Variants in GART observed in about 807,000 individuals in gnomAD.
GART encodes trifunctional purine biosynthetic protein adenosine-3.
Under a neutral mutation model 107.2 loss-of-function variants are expected in GART, and 43 were observed. That is an observed-to-expected ratio of 0.40 (90% CI 0.31 to 0.52). GART has a LOEUF of 0.52. Among genes scored for constraint, GART ranks in the 20% least tolerant of loss-of-function variants. The pLI is 0.52. For missense variants in GART, 1,107 were observed against 1,206.5 expected (o/e 0.92, Z 1.22); for synonymous variants, 434 against 427.0 (o/e 1.02, Z -0.20).
In GART at chr21:33,519,335, C is replaced by T. The variant is rs565655574; in HGVS notation, c.1702+1029G>A. Reference sequence around the variant, plus strand: ...TTGGGAGGCCGAGGCAGGCAGATCACGAGATCAGGAGATTGAGACCATCCT... The same window carrying T: ...TTGGGAGGCCGAGGCAGGCAGATCATGAGATCAGGAGATTGAGACCATCCT... On this transcript the variant is annotated intron_variant, in intron 14 of 21. Transcript: ENST00000381815. 2.7e-3 allele frequency among the ~76,000 whole-genome samples: 413 copies of T among 152,184 alleles called. 3 individuals carry two copies. Among genetic ancestry groups the T allele is most frequent in the African/African-American group, 9.4e-3 (389 of 41,492 alleles).
At chr21:33,525,730 C>T (rs761989930) in intron 10 of GART, among the ~76,000 whole-genome samples, 24 of 152,094 alleles carry the variant, frequency 1.6e-4, no homozygotes, top group Non-Finnish European at 2.6e-4. Flanking sequence ...CTCCTAAGAA[C>T]TGTCTGCTAT....
At chr21:33,505,892 TG>T in intron 19 of GART, 81 bp downstream of exon 19, 1 of 1,556,216 alleles carries the variant, frequency 6.4e-7, no homozygotes, top group African/African-American at 1.4e-5. Context: ...CAAGAACAAG[TG>T]CCCATAGACC....
At chr21:33,524,357 T>C (rs899727369) in intron 11 of GART, 4 of 796,818 alleles carry the variant, frequency 5.0e-6, no homozygotes, top group Non-Finnish European at 4.6e-6. Flanking sequence ...CAGACTGGCC[T>C]TGGCAACATG....
chr21:33,522,410 G>T, intron 11 of GART, 128 bp from the exon 12 acceptor site: 3 of 684,644 alleles, frequency 4.4e-6, no homozygotes, highest in Non-Finnish European at 7.4e-6. Flanking sequence ...TTTTTTTAAA[G>T]TCAGTGCCTG....
intron 4 of GART, 71 bp downstream of exon 4, chr21:33,534,508 C>G: frequency 6.5e-7 from 1 of 1,537,986 alleles, no homozygotes; most frequent in Non-Finnish European, 8.9e-7. Context: ...AGCTACTGTG[C>G]CTGGCCACTG....
chr21:33,519,164 G>A, intron 14 of GART: 1 of 246,928 alleles, frequency 4.0e-6, no homozygotes, highest in South Asian at 4.9e-5. Flanking sequence ...GACTAGGGTT[G>A]GTGCTCAAGG....
At chr21:33,512,476 GAATTA>G (rs879843331) in intron 16 of GART, among the ~76,000 whole-genome samples, 16 of 152,012 alleles carry the variant, frequency 1.1e-4, no homozygotes, top group Admixed American at 7.9e-4. Flanking sequence ...AAACTATACT[GAATTA>G]AATTATTTAT....
In GART at chr21:33,528,470, A is replaced by G. The variant is rs771320393; in HGVS notation, c.897+49T>C. The G allele has an allele frequency of 6.3e-5, 97 of 1,551,008 alleles. No individual in the cohort carries two copies. The Admixed American group carries it at 1.7e-3, about 28-fold the overall frequency. On this transcript the variant is annotated intron_variant, in intron 9 of 21. Transcript: ENST00000381815. ...TTCCAGGCTGATAAATTCCAAGATT[A>G]AAATACCACATATCTTCTACCAAGT...
intron 17 of GART, 132 bp downstream of exon 17, chr21:33,511,120 T>A: frequency 1.2e-6 from 1 of 866,760 alleles, no homozygotes; most frequent in South Asian, 1.5e-5. Flanking sequence ...TCATGTTACA[T>A]CTGTGTAAAG....
intron 12 of GART, among the ~76,000 whole-genome samples, chr21:33,521,501 G>A (rs909728650): frequency 1.2e-4 from 18 of 151,816 alleles, no homozygotes; most frequent in Non-Finnish European, 2.2e-4. Flanking sequence ...GCGTGGTGGC[G>A]GGCACCTGTA....
At chr21:33,523,649 G>A (rs963555894) in intron 11 of GART, among the ~76,000 whole-genome samples, 1 of 151,966 alleles carries the variant, frequency 6.6e-6, no homozygotes, top group African/African-American at 2.4e-5. Flanking sequence ...TGAACTTCAC[G>A]AACAATAGCA....
chr21:33,517,755 C>A, intron 14 of GART, 147 bp from the exon 15 acceptor site: 1 of 806,550 alleles, frequency 1.2e-6, no homozygotes, highest in Non-Finnish European at 1.9e-6. Flanking sequence ...AGCTGTCTAA[C>A]AGAACTTTCC....
intron 16 of GART, among the ~76,000 whole-genome samples, chr21:33,512,961 G>C (rs2145691450): frequency 6.6e-6 from 1 of 151,542 alleles, no homozygotes; most frequent in South Asian, 2.1e-4. Flanking sequence ...TGTCGTTTAG[G>C]CTGGAGTGCA....
At chr21:33,519,316 G>T (rs2084929386) in intron 14 of GART, among the ~76,000 whole-genome samples, 1 of 152,114 alleles carries the variant, frequency 6.6e-6, no homozygotes, top group Admixed American at 6.5e-5. Context: ...CACTTTGGGA[G>T]GCCGAGGCAG....
rs149391338 is a variant in GART, at chr21:33,537,044, C to T, written c.146-1724G>A. Among the ~76,000 whole-genome samples the T allele has an allele frequency of 1.3e-3, 205 of 152,280 alleles. No homozygotes were observed. The Middle Eastern group carries it at 0.017, about 13-fold the overall frequency. ...TGAATGTGATTAGGATGGAGTACCA[C>T]GCACTGTGGGTTAGTGGTTCTGAAC... On this transcript the variant is annotated intron_variant, in intron 2 of 21. Coordinates refer to ENST00000381815, the MANE Select transcript of GART (RefSeq NM_000819.5).
intron 2 of GART, among the ~76,000 whole-genome samples, chr21:33,538,784 A>G (rs1422970631): frequency 6.6e-6 from 1 of 151,972 alleles, no homozygotes; most frequent in East Asian, 1.9e-4. Context: ...AGTAGTCTAT[A>G]TTTTATTTTA....
At chr21:33,538,871 C>G (rs575871074) in intron 2 of GART, among the ~76,000 whole-genome samples, 2 of 152,134 alleles carry the variant, frequency 1.3e-5, no homozygotes, top group South Asian at 2.1e-4. Context: ...AGCTCCACCC[C>G]CTGGGTTCAA....
chr21:33,528,159 A>G lies in GART; in HGVS notation c.1066+8T>C, dbSNP rs201149629. The G allele has an allele frequency of 9.3e-6, 15 of 1,612,758 alleles. No individual in the cohort carries two copies. The African/African-American group carries it at 2.0e-4, about 22-fold the overall frequency. ...TTGTACTCCAACCTCTTGCTCCCTG[A>G]CACTCACCTGTTATCTCTACACCCT... is the stretch of plus-strand genomic sequence containing the variant. On this transcript the variant is annotated splice_region_variant and intron_variant, in intron 10 of 21. Coordinates refer to ENST00000381815, the MANE Select transcript of GART (RefSeq NM_000819.5).
At chr21:33,538,534 C>T (rs528385703) in intron 2 of GART, among the ~76,000 whole-genome samples, 3 of 152,064 alleles carry the variant, frequency 2.0e-5, no homozygotes, top group Non-Finnish European at 4.4e-5. Flanking sequence ...CACGTGGCCG[C>T]AAGTTGTATT....
Sources: allele counts gnomAD v4.1 joint callset (sites outside exome capture counted in the v4.1 genomes callset), GRCh38; gene constraint gnomAD v4.1.1; transcripts MANE v1.5; gene names NCBI Gene and HGNC (gene_info 2026-07-23, HGNC 2026-07-21).